Variants in PATJ observed in about 807,000 individuals in gnomAD.
PATJ encodes PATJ crumbs cell polarity complex component.
PATJ carries 190 observed loss-of-function variants against 224.9 expected under a neutral mutation model. The observed-to-expected ratio is 0.84, with a 90% CI of 0.75 to 0.95. The LOEUF is 0.95. Ranked by LOEUF, PATJ falls within the 40% of genes least tolerant of loss-of-function variation. The probability of loss-of-function intolerance (pLI) is 0.00; values close to 1 mark genes in which losing one functional copy is unlikely to be tolerated. For missense variants in PATJ, 2,121 were observed against 2,270.3 expected, an observed-to-expected ratio of 0.93 and a Z score of 1.34; for synonymous variants, 769 against 820.3, an observed-to-expected ratio of 0.94 and a Z score of 1.07.
rs893764071 is a variant in PATJ at position 62,103,155 on chromosome 1, C to T, written c.4378-5282C>T. Reference sequence around the variant, plus strand: ...CAGAATTGATGCCATATGGAAAATCCCAAGCTAGCTTTTGTACAAGTACAA... The same window carrying T: ...CAGAATTGATGCCATATGGAAAATCTCAAGCTAGCTTTTGTACAAGTACAA... On this transcript the variant is annotated intron_variant, in intron 33 of 43. Coordinates refer to ENST00000642238, the MANE Select transcript of PATJ (RefSeq NM_001350145.3). Among the ~76,000 whole-genome samples the T allele has an allele frequency of 3.3e-5, 5 of 152,008 alleles. No individual in the cohort carries two copies. In the East Asian group the frequency reaches 9.7e-4, roughly 29 times the overall value.
chr1:62,037,493 G>T (rs1461149233), intron 29 of PATJ, among the ~76,000 whole-genome samples: 1 of 152,048 alleles, frequency 6.6e-6, no homozygotes, highest in Non-Finnish European at 1.5e-5. Flanking sequence ...ACTCCACCTT[G>T]CAGCCCTATT....
chr1:61,873,342 A>T (rs1571033100), intron 20 of PATJ, among the ~76,000 whole-genome samples: 1 of 151,928 alleles, frequency 6.6e-6, no homozygotes, highest in East Asian at 1.9e-4. Flanking sequence ...TAGTTTTTAT[A>T]ATTTTTTTGT....
intron 22 of PATJ, among the ~76,000 whole-genome samples, chr1:61,887,888 T>C (rs1184870046): frequency 6.6e-6 from 1 of 152,210 alleles, no homozygotes; most frequent in African/African-American, 2.4e-5. Flanking sequence ...AACATTTTTA[T>C]TAAAACCTTA....
intron 14 of PATJ, 26 bp from the exon 15 acceptor site, chr1:61,822,919 G>T: frequency 1.2e-6 from 2 of 1,613,540 alleles, no homozygotes; most frequent in South Asian, 1.1e-5. Context: ...TGTCATGTTT[G>T]ATCATTGCTT....
intron 27 of PATJ, among the ~76,000 whole-genome samples, chr1:61,937,120 G>A (rs916308398): frequency 6.6e-6 from 1 of 152,158 alleles, no homozygotes; most frequent in Admixed American, 6.5e-5. Flanking sequence ...TCACCCATGT[G>A]CATGGGTGCA....
intron 24 of PATJ, among the ~76,000 whole-genome samples, chr1:61,903,175 G>A (rs900747932): frequency 2.0e-5 from 3 of 152,184 alleles, no homozygotes; most frequent in Non-Finnish European, 2.9e-5. Flanking sequence ...CTGGCTTCAG[G>A]GGCAGGGATG....
At chr1:61,879,287 G>A (rs1170043468) in intron 21 of PATJ, among the ~76,000 whole-genome samples, 1 of 151,986 alleles carries the variant, frequency 6.6e-6, no homozygotes, top group Non-Finnish European at 1.5e-5. Flanking sequence ...TCTTTTTCTC[G>A]GGAAATGGGG....
intron 20 of PATJ, among the ~76,000 whole-genome samples, chr1:61,874,288 G>T (rs1220950601): frequency 6.6e-6 from 1 of 151,846 alleles, no homozygotes; most frequent in East Asian, 1.9e-4. Context: ...TGCAACTTCT[G>T]CCTCCCAGAT....
At chr1:61,967,289 T>A (rs1387619650) in intron 27 of PATJ, among the ~76,000 whole-genome samples, 1 of 152,230 alleles carries the variant, frequency 6.6e-6, no homozygotes, top group African/African-American at 2.4e-5. Flanking sequence ...TACTAAGAAC[T>A]GCCTTTTTAT....
chr1:61,876,655 C>T (rs1667371574), intron 21 of PATJ, among the ~76,000 whole-genome samples: 1 of 152,082 alleles, frequency 6.6e-6, no homozygotes, highest in Non-Finnish European at 1.5e-5. Context: ...CAAAATGTCT[C>T]CAGATGTGGC....
At position 62,018,366 on chromosome 1, in the gene PATJ, G is replaced by A. The variant is rs1646898962; in HGVS notation, c.3959+419G>A. ...TAGGAGCTTCCTTTTAAGAGTGCTG[G>A]TGAGAAGCTCAGAGTAGAGAAGATG... On this transcript the variant is annotated intron_variant, in intron 29 of 43. Coordinates refer to ENST00000642238, the MANE Select transcript of PATJ (RefSeq NM_001350145.3). This position sits in a 1 kb window ranked among gnomAD's most constrained non-coding sequence, Gnocchi z 4.2. 6.6e-6 allele frequency among the ~76,000 whole-genome samples: 1 copy of A among 152,186 alleles called. No individual in the cohort carries two copies. The highest frequency in any genetic ancestry group is 1.5e-5 in the Non-Finnish European group (1 of 68,036).
intron 22 of PATJ, among the ~76,000 whole-genome samples, chr1:61,892,754 C>G (rs1319041107): frequency 3.9e-5 from 4 of 101,890 alleles, no homozygotes; most frequent in African/African-American, 1.3e-4. Context: ...ATAGCCTCCC[C>G]TATTGTCAAT....
At chr1:62,147,998 G>A (rs534690549) in intron 41 of PATJ, among the ~76,000 whole-genome samples, 8 of 151,434 alleles carry the variant, frequency 5.3e-5, no homozygotes, top group African/African-American at 1.9e-4. Flanking sequence ...GTGCATGCCT[G>A]TGGTCCCAGC....
intron 14 of PATJ, among the ~76,000 whole-genome samples, chr1:61,812,561 A>G (rs1655095231): frequency 6.6e-6 from 1 of 151,550 alleles, no homozygotes; most frequent in African/African-American, 2.4e-5. Context: ...TTTAAGACAC[A>G]GTCTTGGCCA....
At chr1:61,837,981 A>G (rs565221544) in intron 17 of PATJ, among the ~76,000 whole-genome samples, 2 of 152,172 alleles carry the variant, frequency 1.3e-5, no homozygotes, top group East Asian at 1.9e-4. Flanking sequence ...CAGTTCTACA[A>G]CTGAGTCATA....
At chr1:61,838,343 GACTGAGT>G (rs1660522838) in intron 17 of PATJ, among the ~76,000 whole-genome samples, 2 of 151,720 alleles carry the variant, frequency 1.3e-5, no homozygotes, top group Non-Finnish European at 2.9e-5. Flanking sequence ...ATGATGGCTT[GACTGAGT>G]ACTCTGTTTC....
intron 27 of PATJ, among the ~76,000 whole-genome samples, chr1:61,943,070 T>C (rs1212071208): frequency 6.6e-6 from 1 of 152,180 alleles, no homozygotes; most frequent in Non-Finnish European, 1.5e-5. Flanking sequence ...TGGAATACTA[T>C]TCAGCAATGA....
intron 41 of PATJ, among the ~76,000 whole-genome samples, chr1:62,129,156 A>G (rs1369134841): frequency 6.6e-6 from 1 of 152,226 alleles, no homozygotes; most frequent in African/African-American, 2.4e-5. Flanking sequence ...AAGCATAACA[A>G]GGGGAGAAAA....
At chr1:62,105,675 G>C (rs773289511) in intron 33 of PATJ, among the ~76,000 whole-genome samples, 1 of 152,030 alleles carries the variant, frequency 6.6e-6, no homozygotes, top group South Asian at 2.1e-4. Context: ...TGTATTCCTG[G>C]TACAGAATCT....
Sources: gnomAD v4.1 joint callset for allele counts (sites outside exome capture counted in the v4.1 genomes callset) on GRCh38, gnomAD v4.1.1 for gene constraint, Gnocchi (gnomAD v3.1) non-coding constraint, MANE v1.5 for transcripts, NCBI Gene and HGNC (gene_info 2026-07-23, HGNC 2026-07-21) for gene names.